The following GTPBP2 variants were observed in gnomAD, a reference collection of about 807,000 sequenced individuals.
GTPBP2 encodes the protein GTP binding protein 2.
A neutral mutation model predicts 63.0 loss-of-function variants in GTPBP2; 32 were observed. The observed-to-expected ratio is 0.51, with a 90% CI of 0.38 to 0.68. The LOEUF (loss-of-function observed/expected upper bound fraction) is 0.68, where lower values mean the gene tolerates loss of function less well. Ranked by LOEUF, GTPBP2 falls within the 30% of genes least tolerant of loss-of-function variation. The probability of loss-of-function intolerance (pLI) is 0.00; values close to 1 mark genes in which losing one functional copy is unlikely to be tolerated. For missense variants in GTPBP2, 492 were observed against 796.9 expected (o/e 0.62, Z 4.61); for synonymous variants, 310 against 322.6 (o/e 0.96, Z 0.42).
At position 43,622,222 on chromosome 6, in the gene GTPBP2, C is replaced by T. The variant is rs1768799752; in HGVS notation, c.1468-55G>A. ...AGGGCAGCTCTAACATCAGACTCTC[C>T]CTCCCCAGCCACCCCACACCCTTTA... On this transcript the variant is annotated intron_variant, in intron 10 of 11. Coordinates refer to ENST00000307126, the MANE Select transcript of GTPBP2 (RefSeq NM_019096.5). This position sits in a 1 kb window ranked among gnomAD's most constrained non-coding sequence, Gnocchi z 5.4. 4 of 1,490,736 alleles carry T rather than the reference C, an allele frequency of 2.7e-6. No homozygotes were observed. The highest frequency in any genetic ancestry group is 3.7e-6 in the Non-Finnish European group (4 of 1,082,600). 92.3% of individuals were successfully genotyped at this position (1,490,736 alleles called of 1,614,324 possible).
At position 43,623,848 on chromosome 6, in the gene GTPBP2, C is replaced by CA; in HGVS notation, c.1237-54dup. On this transcript the variant is annotated intron_variant, in intron 8 of 11. Transcript: ENST00000307126. ...GCCTGCCAAGTAGGGCTGGTGGGTC[C>CA]AAAATCTCTAAACAGACTCTGGGTT... The CA allele has an allele frequency of 2.5e-6, 4 of 1,611,412 alleles. No individual in the cohort carries two copies. The South Asian group carries it at 4.4e-5, about 18-fold the overall frequency.
chr6:43,625,269 A>G lies in GTPBP2; in HGVS notation c.705+94T>C, dbSNP rs1194596149. On this transcript the variant is annotated intron_variant, in intron 5 of 11. Coordinates refer to ENST00000307126, the MANE Select transcript of GTPBP2 (RefSeq NM_019096.5). The surrounding 1 kb of genome is among the most constrained non-coding windows in gnomAD (Gnocchi z 5.1). The stretch of plus-strand genomic sequence containing the variant: ...AGGGCATTCATCTATACTATTTCAA[A>G]AAGTCTCCACACTCTACCCCCATCC... 6.4e-6 allele frequency: 8 copies of G among 1,258,990 alleles called. No homozygotes were observed. Among genetic ancestry groups the G allele is most frequent in the Non-Finnish European group, 9.2e-6 (8 of 866,896 alleles). 78.0% of individuals were successfully genotyped at this position (1,258,990 alleles called of 1,614,324 possible). A position where few individuals can be genotyped will look rare whatever the true frequency, so the allele number is the denominator to read the frequency against.
rs551301190 is a variant in GTPBP2, at chr6:43,629,136, G to A, written c.27C>T (p.Phe9=). 161 of 1,402,846 alleles carry A rather than the reference G, an allele frequency of 1.1e-4. 1 individual carries two copies. The African/African-American group carries it at 2.3e-3, about 20-fold the overall frequency. The allele number at this position is 1,402,846 out of a possible 1,614,324, so 86.9% of individuals were successfully genotyped here. The stretch of plus-strand genomic sequence containing the variant: ...CCCCTCCGGGCCGGCAGCAGCCGCC[G>A]AACAGCTCCGATACCCGCGAGTCCA... MDSRVSEL[F]GGCCRPGGGP... The change falls in exon 1 of 12, where the codon TTC becomes TTT. Residue 9 remains phenylalanine (F), a synonymous_variant. Transcript: ENST00000307126.
In GTPBP2 at chr6:43,622,734, C is replaced by T. The variant is rs1369094425; in HGVS notation, c.1366G>A (p.Val456Ile). 7.4e-6 allele frequency: 12 copies of T among 1,614,104 alleles called. No individual in the cohort carries two copies. Among genetic ancestry groups the T allele is most frequent in the South Asian group, 1.1e-5 (1 of 91,088 alleles). ...GAGCGGTTGCGCTGGATGCTGCATACTCTCAGCTCCAGGAAGCAGCCATCA... is the reference window on the plus strand; with the variant it reads ...GAGCGGTTGCGCTGGATGCTGCATATTCTCAGCTCCAGGAAGCAGCCATCA... ...TDDGCFLELR[V>I]CSIQRNRSAC... is the part of the protein sequence containing the mutation. Residue 456 changes from valine to isoleucine, a missense_variant, in exon 10 of 12, where the codon GTA becomes ATA. Transcript: ENST00000307126. The surrounding 1 kb of genome is among the most constrained non-coding windows in gnomAD (Gnocchi z 5.4).
upstream of GTPBP2, among the ~76,000 whole-genome samples, chr6:43,630,342 G>A (rs1478458823): frequency 6.6e-6 from 1 of 152,190 alleles, no homozygotes; most frequent in Non-Finnish European, 1.5e-5. Context: ...AGGACGCTAG[G>A]GCTCAATTCA....
In GTPBP2 at chr6:43,626,288, C is replaced by G. The variant is rs1190611823; in HGVS notation, c.336G>C (p.Leu112=). The G allele has an allele frequency of 1.2e-6, 2 of 1,614,228 alleles. No homozygotes were observed. The highest frequency in any genetic ancestry group is 2.2e-5 in the South Asian group (2 of 91,092). Residue 112 remains leucine, a synonymous_variant, in exon 3 of 12, where the codon CTG becomes CTC. Coordinates refer to ENST00000307126, the MANE Select transcript of GTPBP2 (RefSeq NM_019096.5). The surrounding 1 kb of genome is among the most constrained non-coding windows in gnomAD (Gnocchi z 4.0). The part of the protein sequence containing the change: ...YQIGVEDNGL[L]VGLAEEEMRA... ...GCATTTCCTCCTCAGCCAGCCCCAC[C>G]AGCAGCCCATTGTCCTCTACCCCAA...
chr6:43,621,896 A>C (rs757772050), intron 11 of GTPBP2, 106 bp from the exon 12 acceptor site: 68 of 1,593,024 alleles, frequency 4.3e-5, no homozygotes, highest in Admixed American at 2.0e-4. Context: ...TACCCACCCT[A>C]AGTGGGGTTT....
At chr6:43,628,853 C>T (rs1769661865) in intron 1 of GTPBP2, 124 bp downstream of exon 1, 1 of 1,069,604 alleles carries the variant, frequency 9.3e-7, no homozygotes, top group Non-Finnish European at 1.5e-6. Context: ...GTTCTCCTCC[C>T]GTGCCCCTCC....
Position 43,623,983 on chromosome 6 carries a change from T to C in GTPBP2, c.1186A>G (p.Thr396Ala). ...AGTTCCTCCTGCTCTTTGCTGTTGG[T>C]GAGTGGCGGCAGAATATTCAGAAAG... is the stretch of plus-strand genomic sequence containing the variant. Reference protein sequence around the residue: ...KVFLNILPPLTNSKEQEELMQ... With the variant: ...KVFLNILPPLANSKEQEELMQ... Residue 396 changes from threonine (T) to alanine (A), a missense_variant, in exon 8 of 12, where the codon ACC (threonine) becomes GCC (alanine). By Grantham distance (58) the Thr-to-Ala change is moderately conservative (BLOSUM62 0). This residue lies in a region of GTPBP2 where 400 missense variants were observed against 710.8 expected (regional missense o/e 0.56). Transcript: ENST00000307126. 6.2e-7 allele frequency: 1 copy of C among 1,614,124 alleles called. No individual in the cohort carries two copies. The highest frequency in any genetic ancestry group is 2.2e-5 in the East Asian group (1 of 44,888).
chr6:43,625,180 T>C lies in GTPBP2; in HGVS notation c.706-118A>G. The stretch of plus-strand genomic sequence containing the variant: ...GCCTCTTAATCTTGACCCCATTTTT[T>C]ATTTAATTTAGTTGATTCCCCATTG... On this transcript the variant is annotated intron_variant, in intron 5 of 11. Coordinates refer to ENST00000307126, the MANE Select transcript of GTPBP2 (RefSeq NM_019096.5). This position sits in a 1 kb window ranked among gnomAD's most constrained non-coding sequence, Gnocchi z 5.1. 1 of 1,105,218 alleles carries C rather than the reference T, an allele frequency of 9.0e-7. No homozygotes were observed. Among genetic ancestry groups the C allele is most frequent in the South Asian group, 1.5e-5 (1 of 68,002 alleles). 68.5% of individuals were successfully genotyped at this position (1,105,218 alleles called of 1,614,324 possible).
Position 43,622,445 on chromosome 6 carries a change from G to A in GTPBP2, c.1467+188C>T, listed in dbSNP as rs542118455. 6.6e-6 allele frequency among the ~76,000 whole-genome samples: 1 copy of A among 152,256 alleles called. No homozygotes were observed. The highest frequency in any genetic ancestry group is 2.1e-4 in the South Asian group (1 of 4,824). On this transcript the variant is annotated intron_variant, in intron 10 of 11. Transcript: ENST00000307126. This position sits in a 1 kb window ranked among gnomAD's most constrained non-coding sequence, Gnocchi z 5.4. ...AGTGTAACATAGTGATTCATATTTA[G>A]TTATCTGTACCTCATGAGTACGTTA...
Position 43,622,621 on chromosome 6 carries a change from C to G in GTPBP2, c.1467+12G>C. ...CTTAGCGTTCCCTCCCCAACCCATG[C>G]ACCCACCTCACCTTGCGAAGCAGTG... On this transcript the variant is annotated intron_variant, in intron 10 of 11. Transcript: ENST00000307126. The surrounding 1 kb of genome is among the most constrained non-coding windows in gnomAD (Gnocchi z 5.4). 6.2e-7 allele frequency: 1 copy of G among 1,605,322 alleles called. No individual in the cohort carries two copies. Among genetic ancestry groups the G allele is most frequent in the South Asian group, 1.1e-5 (1 of 90,808 alleles).
At chr6:43,628,021 C>T (rs1279906058) in intron 1 of GTPBP2, among the ~76,000 whole-genome samples, 1 of 152,140 alleles carries the variant, frequency 6.6e-6, no homozygotes, top group Admixed American at 6.5e-5. Flanking sequence ...CACACGGGAA[C>T]TTATAAGAAA....
At chr6:43,623,822 G>A (rs770612405) in intron 8 of GTPBP2, 27 bp from the exon 9 acceptor site, 38 of 1,611,270 alleles carry the variant, frequency 2.4e-5, no homozygotes, top group Non-Finnish European at 3.1e-5. Context: ...CGCTATCAAT[G>A]GCCTGCCAAG....
In GTPBP2 at chr6:43,625,338, A is replaced by G. The variant is rs1016282326; in HGVS notation, c.705+25T>C. 2 of 1,605,048 alleles carry G rather than the reference A, an allele frequency of 1.2e-6. No individual in the cohort carries two copies. Among genetic ancestry groups the G allele is most frequent in the Non-Finnish European group, 8.5e-7 (1 of 1,171,932 alleles). ...CATCCCATCCTCAGAGTCTGGCCCCATTGGGTCCCATTGATCCCATGCACC... is the reference window on the plus strand; with the variant it reads ...CATCCCATCCTCAGAGTCTGGCCCCGTTGGGTCCCATTGATCCCATGCACC... On this transcript the variant is annotated intron_variant, in intron 5 of 11. Transcript: ENST00000307126. The surrounding 1 kb of genome is among the most constrained non-coding windows in gnomAD (Gnocchi z 5.1).
rs771316830 is a variant in GTPBP2 at position 43,624,393 on chromosome 6, C to T, written c.1100+117G>A. On this transcript the variant is annotated intron_variant, in intron 7 of 11. Coordinates refer to ENST00000307126, the MANE Select transcript of GTPBP2 (RefSeq NM_019096.5). This position sits in a 1 kb window ranked among gnomAD's most constrained non-coding sequence, Gnocchi z 5.1. Reference sequence around the variant, plus strand: ...CTCCACAATCCCAAGCTGAAACACCCGCAGAACTAAGCCAGAACTGGTCTG... The same window carrying T: ...CTCCACAATCCCAAGCTGAAACACCTGCAGAACTAAGCCAGAACTGGTCTG... The T allele has an allele frequency of 3.3e-5, 26 of 787,024 alleles. No individual in the cohort carries two copies. Among genetic ancestry groups the T allele is most frequent in the South Asian group, 1.4e-4 (9 of 62,602 alleles). The allele number at this position is 787,024 out of a possible 1,614,324, so 48.8% of individuals were successfully genotyped here. A position where few individuals can be genotyped will look rare whatever the true frequency, so the allele number is the denominator to read the frequency against.
chr6:43,625,691 C>T lies in GTPBP2; in HGVS notation c.507+65G>A. 1.4e-6 allele frequency: 2 copies of T among 1,446,556 alleles called. No individual in the cohort carries two copies. Among genetic ancestry groups the T allele is most frequent in the Non-Finnish European group, 1.9e-6 (2 of 1,027,318 alleles). The allele number at this position is 1,446,556 out of a possible 1,614,324, so 89.6% of individuals were successfully genotyped here. ...GCCCCCAGGATCCCAGGCCAGGAGA[C>T]AGCCTGCCACCACAGGGCCCTTCCA... On this transcript the variant is annotated intron_variant, in intron 4 of 11. Transcript: ENST00000307126. The surrounding 1 kb of genome is among the most constrained non-coding windows in gnomAD (Gnocchi z 5.1).
chr6:43,622,054 T>C lies in GTPBP2; in HGVS notation c.1581A>G (p.Val527=). Residue 527 remains valine, a synonymous_variant, in exon 11 of 12, where the codon GTA becomes GTG. Transcript: ENST00000307126. The surrounding 1 kb of genome is among the most constrained non-coding windows in gnomAD (Gnocchi z 5.4). ...TTFRRGFQVT[V]HVGNVRQTAV... ...CCGTCTGACGTACGTTGCCCACGTG[T>C]ACTGTCACCTGGAATCCTCGTCGGA... 4 of 1,614,160 alleles carry C rather than the reference T, an allele frequency of 2.5e-6. No individual in the cohort carries two copies. Among genetic ancestry groups the C allele is most frequent in the Non-Finnish European group, 3.4e-6 (4 of 1,180,002 alleles).
At position 43,625,465 on chromosome 6, in the gene GTPBP2, C is replaced by T. The variant is rs1247118794; in HGVS notation, c.603G>A (p.Arg201=). ...VLTQGELDNG[R]GRARLNLFRH... The stretch of plus-strand genomic sequence containing the variant: ...GGAAAAGGTTGAGCCGAGCCCGGCC[C>T]CGCCCATTGTCCAGCTCTCCCTGGG... The change falls in exon 5 of 12, where the codon CGG becomes CGA. Residue 201 remains arginine, a synonymous_variant. Transcript: ENST00000307126. This position sits in a 1 kb window ranked among gnomAD's most constrained non-coding sequence, Gnocchi z 5.1. 3.7e-6 allele frequency: 6 copies of T among 1,614,062 alleles called. No individual in the cohort carries two copies. Among genetic ancestry groups the T allele is most frequent in the Non-Finnish European group, 5.1e-6 (6 of 1,179,970 alleles).
Sources: allele counts gnomAD v4.1 joint callset (sites outside exome capture counted in the v4.1 genomes callset), GRCh38; gene constraint gnomAD v4.1.1; regional missense constraint gnomAD v4.1.1; non-coding constraint Gnocchi (gnomAD v3.1); transcripts MANE v1.5; gene names NCBI Gene and HGNC (gene_info 2026-07-23, HGNC 2026-07-21).